Variants in SHANK2 observed in about 807,000 individuals in gnomAD.
SHANK2 encodes the protein SH3 and multiple ankyrin repeat domains 2, also known as SH3 and multiple ankyrin repeat domains protein 2.
In SHANK2, 43 loss-of-function variants were observed where a neutral mutation model predicts 133.7. The observed-to-expected ratio is 0.32, with a 90% CI of 0.25 to 0.41. SHANK2 has a LOEUF of 0.41. Among genes scored for constraint, SHANK2 ranks in the 10% least tolerant of loss-of-function variants. The probability of loss-of-function intolerance (pLI) is 1.00; values close to 1 mark genes in which losing one functional copy is unlikely to be tolerated. For synonymous variants in SHANK2, 1,017 were observed against 952.8 expected, an observed-to-expected ratio of 1.07 and a Z score of -1.24; for missense variants, 1,994 against 2,235.8, an observed-to-expected ratio of 0.89 and a Z score of 2.18.
At chr11:70,550,218 C>T (rs982352841) in intron 17 of SHANK2, among the ~76,000 whole-genome samples, 3 of 152,154 alleles carry the variant, frequency 2.0e-5, no homozygotes, top group African/African-American at 4.8e-5. Flanking sequence ...GACCCACTCC[C>T]GGTAGCACCT....
chr11:70,505,271 G>A (rs570981448), intron 17 of SHANK2, among the ~76,000 whole-genome samples: 3 of 152,224 alleles, frequency 2.0e-5, no homozygotes, highest in Admixed American at 2.0e-4. Context: ...TGAAGTTATG[G>A]GCCAGGGAGT....
intron 2 of SHANK2, among the ~76,000 whole-genome samples, chr11:71,172,746 T>C (rs1555112463): frequency 6.6e-6 from 1 of 152,036 alleles, no homozygotes; most frequent in Non-Finnish European, 1.5e-5. Context: ...CACTCCCCCA[T>C]GAGAGAACAG....
chr11:71,086,323 ATAT>A (rs1951415158), intron 8 of SHANK2, among the ~76,000 whole-genome samples: 1 of 119,790 alleles, frequency 8.3e-6, no homozygotes, highest in Non-Finnish European at 1.6e-5. Context: ...AGTATATGTT[ATAT>A]TATATATGTT....
At chr11:71,217,691 A>G (rs1459330030) in intron 2 of SHANK2, among the ~76,000 whole-genome samples, 3 of 152,202 alleles carry the variant, frequency 2.0e-5, no homozygotes, top group African/African-American at 7.2e-5. Context: ...GGCCAAGGCT[A>G]ACGTGTGGAT....
intron 9 of SHANK2, among the ~76,000 whole-genome samples, chr11:71,060,086 T>G (rs1295331752): frequency 2.6e-5 from 4 of 152,068 alleles, no homozygotes; most frequent in African/African-American, 9.7e-5. Context: ...ACCACCATGG[T>G]TTCCCCACCC....
Position 71,188,817 on chromosome 11 carries a change from G to A in SHANK2, c.-13+35880C>T, listed in dbSNP as rs1040911754. Among the ~76,000 whole-genome samples the A allele has an allele frequency of 3.3e-5, 5 of 152,182 alleles. No homozygotes were observed. The highest frequency in any genetic ancestry group is 7.3e-5 in the Non-Finnish European group (5 of 68,044). On this transcript the variant is annotated intron_variant, in intron 2 of 25. Coordinates refer to ENST00000601538, the MANE Select transcript of SHANK2 (RefSeq NM_012309.5). This position sits in a 1 kb window ranked among gnomAD's most constrained non-coding sequence, Gnocchi z 4.6. ...ACCTCCAAATGGAGCTAAGGCCTAC[G>A]TGGTTTCTCAGGGACCCTGACCTTC...
chr11:70,686,365 C>G (rs1945153470), intron 15 of SHANK2, among the ~76,000 whole-genome samples: 1 of 150,784 alleles, frequency 6.6e-6, no homozygotes, highest in South Asian at 2.1e-4. Context: ...ACCCATCCAG[C>G]CCCTCATCTA....
chr11:70,731,918 G>A (rs1212035718), intron 14 of SHANK2, among the ~76,000 whole-genome samples: 1 of 152,148 alleles, frequency 6.6e-6, no homozygotes, highest in Non-Finnish European at 1.5e-5. Context: ...GGGCTGGGGT[G>A]TGGCCAGGCT....
intron 2 of SHANK2, among the ~76,000 whole-genome samples, chr11:71,193,225 C>A (rs782427831): frequency 6.6e-6 from 1 of 152,304 alleles, no homozygotes; most frequent in East Asian, 1.9e-4. Context: ...TCACCAGAAC[C>A]GGCTGAGAGG....
intron 17 of SHANK2, among the ~76,000 whole-genome samples, chr11:70,646,872 T>TA (rs2061271121): frequency 6.6e-6 from 1 of 151,166 alleles, no homozygotes; most frequent in African/African-American, 2.4e-5. Context: ...TTTATTTATT[T>TA]ATTTTTGAGA....
intron 21 of SHANK2, among the ~76,000 whole-genome samples, chr11:70,494,115 G>A (rs1358976350): frequency 6.6e-6 from 1 of 152,156 alleles, no homozygotes; most frequent in Non-Finnish European, 1.5e-5. Flanking sequence ...GAGAGGAAAT[G>A]GGGGTGTGCT....
chr11:70,729,503 C>T (rs1946239363), intron 14 of SHANK2, among the ~76,000 whole-genome samples: 1 of 151,702 alleles, frequency 6.6e-6, no homozygotes, highest in Admixed American at 6.6e-5. Flanking sequence ...TGTACTCATG[C>T]CACTGCACTG....
intron 17 of SHANK2, among the ~76,000 whole-genome samples, chr11:70,649,003 G>T (rs782359688): frequency 6.6e-6 from 1 of 152,154 alleles, no homozygotes; most frequent in Non-Finnish European, 1.5e-5. Context: ...GCAGGTGGAG[G>T]AGGCAAAACT....
chr11:71,131,454 C>T (rs2135331349), intron 3 of SHANK2, among the ~76,000 whole-genome samples: 1 of 152,278 alleles, frequency 6.6e-6, no homozygotes, highest in Admixed American at 6.5e-5. Context: ...CCAATCAGAA[C>T]ATTTTTCGCA....
intron 21 of SHANK2, among the ~76,000 whole-genome samples, chr11:70,496,058 C>T (rs1195492564): frequency 1.3e-5 from 2 of 152,102 alleles, no homozygotes; most frequent in Non-Finnish European, 2.9e-5. Context: ...AAGTCATCGG[C>T]GTTGAACATT....
At chr11:70,881,329 G>A (rs576857904) in intron 11 of SHANK2, among the ~76,000 whole-genome samples, 232 of 152,168 alleles carry the variant, frequency 1.5e-3, no homozygotes, top group Admixed American at 3.9e-3. Context: ...TTACAGGTGC[G>A]AGCCACCTTG....
chr11:71,125,399 G>A (rs1952163118), intron 3 of SHANK2, among the ~76,000 whole-genome samples: 1 of 152,226 alleles, frequency 6.6e-6, no homozygotes, highest in African/African-American at 2.4e-5. Flanking sequence ...CAAATGGTAA[G>A]TGAAACAGGC....
intron 2 of SHANK2, among the ~76,000 whole-genome samples, chr11:71,190,099 T>C (rs1953761896): frequency 6.6e-6 from 1 of 152,194 alleles, no homozygotes; most frequent in Non-Finnish European, 1.5e-5. Flanking sequence ...GACGTCCACC[T>C]GCAGGGCCCC....
chr11:71,133,237 A>AATGGATGGATGGATGG lies in SHANK2; in HGVS notation c.207+13867_207+13882dup, dbSNP rs533210236. 5.3e-3 allele frequency among the ~76,000 whole-genome samples: 576 copies of AATGGATGGATGGATGG among 109,104 alleles called. 8 individuals are homozygous for AATGGATGGATGGATGG. Among genetic ancestry groups the AATGGATGGATGGATGG allele is most frequent in the African/African-American group, 0.019 (513 of 27,098 alleles). 71.6% of individuals were successfully genotyped at this position (109,104 alleles called of 152,430 possible). A position where few individuals can be genotyped will look rare whatever the true frequency, so the allele number is the denominator to read the frequency against. ...GGGTGGCTGGGTGGATGCACAGATG[A>AATGGATGGATGGATGG]ATGGATGGATGGATGGATGGATGGA... is the stretch of plus-strand genomic sequence containing the variant. On this transcript the variant is annotated intron_variant, in intron 3 of 25. Coordinates refer to ENST00000601538, the MANE Select transcript of SHANK2 (RefSeq NM_012309.5).
Sources: gnomAD v4.1 joint callset for allele counts (sites outside exome capture counted in the v4.1 genomes callset) on GRCh38, gnomAD v4.1.1 for gene constraint, Gnocchi (gnomAD v3.1) non-coding constraint, MANE v1.5 for transcripts, NCBI Gene and HGNC (gene_info 2026-07-23, HGNC 2026-07-21) for gene names.